Variants in TECPR2 observed in about 807,000 individuals in gnomAD.
The protein encoded by TECPR2 is tectonin beta-propeller repeat-containing protein 2.
A neutral mutation model predicts 138.1 loss-of-function variants in TECPR2; 65 were observed. That is an observed-to-expected ratio of 0.47 (90% confidence interval 0.39 to 0.58). TECPR2 has a LOEUF of 0.58. TECPR2 is among the 20% of genes least tolerant of loss of function. The pLI is 0.00. For missense variants in TECPR2, 1,553 were observed against 1,824.5 expected, an observed-to-expected ratio of 0.85 and a Z score of 2.71; for synonymous variants, 746 against 749.8, an observed-to-expected ratio of 0.99 and a Z score of 0.08.
chr14:102,398,683 ATC>A (rs915399338), intron 2 of TECPR2, among the ~76,000 whole-genome samples: 1 of 151,952 alleles, frequency 6.6e-6, no homozygotes, highest in African/African-American at 2.4e-5. Context: ...GTAAGACCTC[ATC>A]TCTACTAAAA....
chr14:102,481,286 G>A (rs1190714436), intron 17 of TECPR2, among the ~76,000 whole-genome samples: 1 of 152,082 alleles, frequency 6.6e-6, no homozygotes, highest in African/African-American at 2.4e-5. Context: ...TTGCATGCGT[G>A]AGCCACTGTG....
chr14:102,491,853 C>G (rs1166369628), intron 17 of TECPR2, among the ~76,000 whole-genome samples: 1 of 152,212 alleles, frequency 6.6e-6, no homozygotes, highest in Non-Finnish European at 1.5e-5. Flanking sequence ...TCTGGGTGGG[C>G]AGAAACAAGT....
intron 8 of TECPR2, among the ~76,000 whole-genome samples, chr14:102,432,747 T>C (rs1889542909): frequency 2.0e-5 from 3 of 151,526 alleles, no homozygotes; most frequent in African/African-American, 7.3e-5. Flanking sequence ...GGCTCATGCC[T>C]GTAATCCCAA....
At chr14:102,398,309 GACAA>G (rs1445754641) in intron 2 of TECPR2, among the ~76,000 whole-genome samples, 1 of 152,028 alleles carries the variant, frequency 6.6e-6, no homozygotes, top group Non-Finnish European at 1.5e-5. Context: ...TATCAAGTCT[GACAA>G]ACAGAAAAAT....
intron 17 of TECPR2, chr14:102,465,641 G>C: frequency 2.0e-6 from 2 of 990,928 alleles, no homozygotes; most frequent in Non-Finnish European, 2.4e-6. Flanking sequence ...TCAGTACCCA[G>C]AAGTATAAAG....
intron 9 of TECPR2, among the ~76,000 whole-genome samples, chr14:102,435,545 T>A (rs1889643797): frequency 6.6e-6 from 1 of 152,162 alleles, no homozygotes; most frequent in South Asian, 2.1e-4. Context: ...CCTGGGGCCA[T>A]CTCAGAAAAC....
chr14:102,464,391 T>G (rs1890495468), intron 16 of TECPR2, among the ~76,000 whole-genome samples: 1 of 151,840 alleles, frequency 6.6e-6, no homozygotes, highest in African/African-American at 2.4e-5. Context: ...AGACTTAGTT[T>G]TGTTTTTTTT....
chr14:102,474,556 G>A (rs185167462), intron 17 of TECPR2, among the ~76,000 whole-genome samples: 8 of 152,226 alleles, frequency 5.3e-5, no homozygotes, highest in African/African-American at 1.2e-4. Context: ...CCCGGGAGGC[G>A]GAGGTTGTGA....
Position 102,500,065 on chromosome 14 carries a change from C to T in TECPR2, c.*1808C>T, listed in dbSNP as rs1305460423. On this transcript the variant is annotated 3_prime_UTR_variant, in exon 20 of 20. Coordinates refer to ENST00000359520, the MANE Select transcript of TECPR2 (RefSeq NM_014844.5). ...CATGGGACTGTAGTGCAATTAAACC[C>T]GCGTCTAGGTGATGCTTTTAAAGTT... is the stretch of plus-strand genomic sequence containing the variant. 6 of 152,818 alleles carry T rather than the reference C, an allele frequency of 3.9e-5. No individual in the cohort carries two copies. The highest frequency in any genetic ancestry group is 9.6e-5 in the African/African-American group (4 of 41,588). The allele number at this position is 152,818 out of a possible 1,614,324, so 9.5% of individuals were successfully genotyped here.
chr14:102,376,997 A>G (rs1174739610), intron 2 of TECPR2, 57 bp downstream of exon 2: 2 of 1,542,408 alleles, frequency 1.3e-6, no homozygotes, highest in Non-Finnish European at 1.8e-6. Flanking sequence ...GACGCTTAAC[A>G]TGCTTGTGTT....
intron 17 of TECPR2, among the ~76,000 whole-genome samples, chr14:102,488,679 C>T (rs1284387526): frequency 6.6e-6 from 1 of 151,874 alleles, no homozygotes; most frequent in Non-Finnish European, 1.5e-5. Context: ...GGTCACTGCA[C>T]TTGTATTTAT....
Position 102,363,112 on chromosome 14 carries a change from G to C in TECPR2, c.-77G>C. On this transcript the variant is annotated 5_prime_UTR_variant, in exon 1 of 20. Transcript: ENST00000359520. ...CCGACGAGTCCGGAGGGGCTGCCGC[G>C]GGAGGTGAGTCCGGCGACGCCGCAA... is the stretch of plus-strand genomic sequence containing the variant. 2.5e-6 allele frequency: 1 copy of C among 404,554 alleles called. No individual in the cohort carries two copies. The highest frequency in any genetic ancestry group is 4.3e-6 in the Non-Finnish European group (1 of 229,980). The allele number at this position is 404,554 out of a possible 1,614,324, so 25.1% of individuals were successfully genotyped here.
chr14:102,477,583 C>T (rs1009581339), intron 17 of TECPR2, among the ~76,000 whole-genome samples: 1 of 143,372 alleles, frequency 7.0e-6, no homozygotes, highest in Non-Finnish European at 1.5e-5. Context: ...CAGAATCTTG[C>T]TCTGTAGCCC....
Position 102,392,905 on chromosome 14 carries a change from C to T in TECPR2, c.220-14433C>T, listed in dbSNP as rs1043457636. ...TGAATGGGGCAGGCTTATGATGACA[C>T]ATTCTTCGGAAAGATTCTTTTTTAT... On this transcript the variant is annotated intron_variant, in intron 2 of 19. Coordinates refer to ENST00000359520, the MANE Select transcript of TECPR2 (RefSeq NM_014844.5). Among the ~76,000 whole-genome samples, 3 of 152,206 alleles carry T rather than the reference C, an allele frequency of 2.0e-5. No homozygotes were observed. In the South Asian group the frequency reaches 6.2e-4, roughly 31 times the overall value.
intron 13 of TECPR2, among the ~76,000 whole-genome samples, chr14:102,448,058 A>G (rs1890033858): frequency 6.6e-6 from 1 of 152,212 alleles, no homozygotes; most frequent in South Asian, 2.1e-4. Context: ...TTTGATAGTC[A>G]TGCAAATGAT....
intron 5 of TECPR2, among the ~76,000 whole-genome samples, chr14:102,423,048 A>G (rs1889226839): frequency 6.6e-6 from 1 of 152,226 alleles, no homozygotes; most frequent in African/African-American, 2.4e-5. Flanking sequence ...AAGTACAGTC[A>G]TATGGAGTAC....
At position 102,443,015 on chromosome 14, in the gene TECPR2, C is replaced by T. The variant is rs567965627; in HGVS notation, c.2753-632C>T. Reference sequence around the variant, plus strand: ...GACCTCAGATTTCATCTGGGAAATTCGGGGTTTCATTTTATTAGTGGAACC... The same window carrying T: ...GACCTCAGATTTCATCTGGGAAATTTGGGGTTTCATTTTATTAGTGGAACC... On this transcript the variant is annotated intron_variant, in intron 11 of 19. Transcript: ENST00000359520. The surrounding 1 kb of genome is among the most constrained non-coding windows in gnomAD (Gnocchi z 4.9). Among the ~76,000 whole-genome samples the T allele has an allele frequency of 9.8e-5, 15 of 152,332 alleles. No individual in the cohort carries two copies. The East Asian group carries it at 2.1e-3, about 22-fold the overall frequency.
In TECPR2 at chr14:102,416,110, T is replaced by TTTTTTC. The variant is rs1010792160; in HGVS notation, c.638+1335_638+1340dup. On this transcript the variant is annotated intron_variant, in intron 5 of 19. Transcript: ENST00000359520. ...TCTATTTTCGATGCTGAACACCTTC[T>TTTTTTC]TTTTTCTTTTTCTTTTTCTTTTTTG... Among the ~76,000 whole-genome samples the TTTTTTC allele has an allele frequency of 6.7e-4, 102 of 152,320 alleles. 1 individual carries two copies. Among genetic ancestry groups the TTTTTTC allele is most frequent in the African/African-American group, 2.3e-3 (97 of 41,588 alleles).
At chr14:102,407,153 C>T (rs1888680028) in intron 2 of TECPR2, among the ~76,000 whole-genome samples, 185 bp from the exon 3 acceptor site, 1 of 152,232 alleles carries the variant, frequency 6.6e-6, no homozygotes, top group Non-Finnish European at 1.5e-5. Context: ...ATCCACCACG[C>T]CCAGCCCTGT....
Sources: gnomAD v4.1 joint callset for allele counts (sites outside exome capture counted in the v4.1 genomes callset) on GRCh38, gnomAD v4.1.1 for gene constraint, Gnocchi (gnomAD v3.1) non-coding constraint, MANE v1.5 for transcripts, NCBI Gene and HGNC (gene_info 2026-07-23, HGNC 2026-07-21) for gene names.